The following FBN1 variants were observed in gnomAD, a reference collection of about 807,000 sequenced individuals.
FBN1 encodes the protein fibrillin 1.
Under a neutral mutation model 365.1 loss-of-function variants are expected in FBN1, and 29 were observed. The observed-to-expected ratio is 0.08, with a 90% CI of 0.06 to 0.11. The LOEUF is 0.11. Among genes scored for constraint, FBN1 ranks in the 10% least tolerant of loss-of-function variants. The pLI, the probability that FBN1 is intolerant of heterozygous loss-of-function variation, is 1.00. For synonymous variants in FBN1, 1,210 were observed against 1,270.5 expected (o/e 0.95, Z 1.01); for missense variants, 2,476 against 3,703.2 (o/e 0.67, Z 8.60).
intron 56 of FBN1, among the ~76,000 whole-genome samples, chr15:48,429,675 G>A (rs2043010439): frequency 1.3e-5 from 2 of 152,170 alleles, no homozygotes; most frequent in South Asian, 4.1e-4. Flanking sequence ...GTGCAGCAGA[G>A]GTTGAGAATT....
intron 6 of FBN1, among the ~76,000 whole-genome samples, chr15:48,559,117 C>T (rs2044204140): frequency 6.6e-6 from 1 of 152,180 alleles, no homozygotes; most frequent in Non-Finnish European, 1.5e-5. Context: ...AAATCAGCTG[C>T]TACTAAAAGT....
intron 15 of FBN1, among the ~76,000 whole-genome samples, chr15:48,507,296 C>T (rs2043717972): frequency 6.6e-6 from 1 of 152,040 alleles, no homozygotes; most frequent in African/African-American, 2.4e-5. Flanking sequence ...ATTCTCTTCC[C>T]TTTTCTTTTT....
chr15:48,568,049 G>GAAAGAAAGAAAGAAGGAAGAAAGAAAGA (rs369157930), intron 6 of FBN1, among the ~76,000 whole-genome samples: 1 of 40,132 alleles, frequency 2.5e-5, no homozygotes, highest in African/African-American at 1.4e-4. Context: ...AAGAAAGAAA[G>GAAAGAAAGAAAGAAGGAAGAAAGAAAGA]AAGAAAGAAA....
At chr15:48,617,603 C>A (rs1309960758) in intron 2 of FBN1, among the ~76,000 whole-genome samples, 2 of 152,186 alleles carry the variant, frequency 1.3e-5, no homozygotes, top group African/African-American at 4.8e-5. Flanking sequence ...ACTTCTCTTA[C>A]CAGTTACTTT....
intron 6 of FBN1, among the ~76,000 whole-genome samples, chr15:48,575,553 G>A (rs2044339836): frequency 6.6e-6 from 1 of 152,042 alleles, no homozygotes; most frequent in Non-Finnish European, 1.5e-5. Context: ...CTCTGTCCAA[G>A]TGTACCCACT....
At chr15:48,526,501 CT>C (rs2043916549) in intron 8 of FBN1, among the ~76,000 whole-genome samples, 1 of 152,214 alleles carries the variant, frequency 6.6e-6, no homozygotes, top group Non-Finnish European at 1.5e-5. Flanking sequence ...CCTTTAAAAT[CT>C]AAACCTGTGT....
At chr15:48,419,847 T>C (rs1484878265) in intron 63 of FBN1, among the ~76,000 whole-genome samples, 1 of 152,212 alleles carries the variant, frequency 6.6e-6, no homozygotes, top group Non-Finnish European at 1.5e-5. Flanking sequence ...CAGTGGCACT[T>C]CACAGACGCT....
In FBN1 at chr15:48,410,759, C is replaced by T. The variant is rs1597506371; in HGVS notation, c.*231G>A. 5 of 519,410 alleles carry T rather than the reference C, an allele frequency of 9.6e-6. No individual in the cohort carries two copies. The East Asian group carries it at 1.6e-4, about 17-fold the overall frequency. The allele number at this position is 519,410 out of a possible 1,614,324, so 32.2% of individuals were successfully genotyped here. The stretch of plus-strand genomic sequence containing the variant: ...ACGTCCCAGTTTTCAAGAATCAACA[C>T]ATATGACAAGGTAGCTTAGCTACAC... On this transcript the variant is annotated 3_prime_UTR_variant, in exon 66 of 66. Transcript: ENST00000316623.
At chr15:48,537,146 A>G (rs1369161798) in intron 7 of FBN1, among the ~76,000 whole-genome samples, 1 of 152,214 alleles carries the variant, frequency 6.6e-6, no homozygotes, top group Non-Finnish European at 1.5e-5. Flanking sequence ...TTGGACTTGT[A>G]AAAAAATGCA....
chr15:48,463,137 G>A lies in FBN1; in HGVS notation c.5169C>T (p.Tyr1723=). ...GCTTGTTCCACGCCCGGCCAATGTT[G>A]TAGGAACAGCAGCACATCTTCTTGG... ...NMTKKMCCCS[Y]NIGRAWNKPC... Residue 1723 remains tyrosine (Y), a synonymous_variant, in exon 42 of 66, where the codon TAC becomes TAT. Coordinates refer to ENST00000316623, the MANE Select transcript of FBN1 (RefSeq NM_000138.5). 1 of 1,614,144 alleles carries A rather than the reference G, an allele frequency of 6.2e-7. No homozygotes were observed. The highest frequency in any genetic ancestry group is 1.1e-5 in the South Asian group (1 of 91,090).
intron 2 of FBN1, chr15:48,644,068 T>C (rs1275158028): frequency 6.2e-6 from 1 of 160,206 alleles, no homozygotes. Flanking sequence ...CCTGTTCTGC[T>C]TCCAATGTAG....
At chr15:48,533,480 CTG>C (rs979388718) in intron 8 of FBN1, among the ~76,000 whole-genome samples, 2 of 152,114 alleles carry the variant, frequency 1.3e-5, no homozygotes, top group African/African-American at 2.4e-5. Context: ...AACACATCCT[CTG>C]TATATATATT....
At chr15:48,522,700 A>G (rs1368471513) in intron 9 of FBN1, among the ~76,000 whole-genome samples, 1 of 152,250 alleles carries the variant, frequency 6.6e-6, no homozygotes, top group Non-Finnish European at 1.5e-5. Flanking sequence ...AAATAAAAAC[A>G]AGGCTAATTT....
chr15:48,603,542 T>G (rs1056798183), intron 4 of FBN1, among the ~76,000 whole-genome samples: 1 of 152,220 alleles, frequency 6.6e-6, no homozygotes, highest in African/African-American at 2.4e-5. Flanking sequence ...TTATTTTGGA[T>G]TCAGTCCTGC....
At chr15:48,437,192 G>A (rs2043080074) in intron 52 of FBN1, 115 bp from the exon 53 acceptor site, 2 of 1,106,466 alleles carry the variant, frequency 1.8e-6, no homozygotes, top group Admixed American at 3.7e-5. Context: ...TAATATAATT[G>A]CTATCTAAAT....
At chr15:48,467,704 C>T (rs2043333817) in intron 38 of FBN1, among the ~76,000 whole-genome samples, 1 of 152,174 alleles carries the variant, frequency 6.6e-6, no homozygotes, top group Non-Finnish European at 1.5e-5. Context: ...TAAAGTAATG[C>T]TATCTGCTTT....
intron 63 of FBN1, among the ~76,000 whole-genome samples, chr15:48,417,960 T>C (rs2042914701): frequency 6.6e-6 from 1 of 152,248 alleles, no homozygotes; most frequent in African/African-American, 2.4e-5. Context: ...CTCAGCCATC[T>C]GCTTCTTGCT....
chr15:48,456,670 A>G lies in FBN1; in HGVS notation c.5389T>C (p.Phe1797Leu). The change falls in exon 44 of 66, where the codon TTC (phenylalanine) becomes CTC (leucine). Residue 1797 changes from phenylalanine to leucine, a missense_variant. Phe to Leu is a conservative substitution (Grantham distance 22, BLOSUM62 0). Transcript: ENST00000316623. ...GSFRCECPVG[F>L]FYNDKLLVCE... ...ACCAACAACTTGTCATTATAGAAGA[A>G]TCCCACTGGACATTCACATCGGAAG... 1 of 1,614,006 alleles carries G rather than the reference A, an allele frequency of 6.2e-7. No individual in the cohort carries two copies. The highest frequency in any genetic ancestry group is 8.5e-7 in the Non-Finnish European group (1 of 1,179,926).
intron 42 of FBN1, among the ~76,000 whole-genome samples, 194 bp from the exon 43 acceptor site, chr15:48,460,511 G>C (rs542292379): frequency 4.6e-5 from 7 of 152,274 alleles, no homozygotes; most frequent in Non-Finnish European, 8.8e-5. Context: ...AGAAAAAAAT[G>C]ACCTAATGTT....
Sources: gnomAD v4.1 joint callset for allele counts (sites outside exome capture counted in the v4.1 genomes callset) on GRCh38, gnomAD v4.1.1 for gene constraint, MANE v1.5 for transcripts, NCBI Gene and HGNC (gene_info 2026-07-23, HGNC 2026-07-21) for gene names.